The following PLCXD3 variants were observed in gnomAD, a reference collection of about 807,000 sequenced individuals.
PLCXD3 encodes the protein PI-PLC X domain-containing protein 3.
In PLCXD3, 19 loss-of-function variants were observed where a neutral mutation model predicts 25.5. That is an observed-to-expected ratio of 0.75 (90% CI 0.52 to 1.09). The LOEUF (loss-of-function observed/expected upper bound fraction) is 1.09, where lower values mean the gene tolerates loss of function less well. Ranked by LOEUF, PLCXD3 falls within the 50% of genes least tolerant of loss-of-function variation. PLCXD3 has a pLI of 0.00. For missense variants in PLCXD3, 411 were observed against 388.1 expected, an observed-to-expected ratio of 1.06 and a Z score of -0.50; for synonymous variants, 174 against 137.6, an observed-to-expected ratio of 1.26 and a Z score of -1.85.
At chr5:41,350,795 T>C (rs2150480883) in intron 2 of PLCXD3, among the ~76,000 whole-genome samples, 1 of 152,322 alleles carries the variant, frequency 6.6e-6, no homozygotes, top group African/African-American at 2.4e-5. Flanking sequence ...TCTTAAAGTG[T>C]AATAAGTATA....
At chr5:41,343,931 G>GCTTC (rs1744228982) in intron 2 of PLCXD3, among the ~76,000 whole-genome samples, 1 of 151,954 alleles carries the variant, frequency 6.6e-6, no homozygotes, top group South Asian at 2.1e-4. Context: ...CACACCTCAG[G>GCTTC]CTTCCATTTC....
rs1343931296 is a variant in PLCXD3, at chr5:41,313,050, G to A, written c.*567C>T. 6.5e-6 allele frequency: 1 copy of A among 152,724 alleles called. No individual in the cohort carries two copies. The highest frequency in any genetic ancestry group is 1.5e-5 in the Non-Finnish European group (1 of 68,198). The allele number at this position is 152,724 out of a possible 1,614,324, so 9.5% of individuals were successfully genotyped here. A position where few individuals can be genotyped will look rare whatever the true frequency, so the allele number is the denominator to read the frequency against. On this transcript the variant is annotated 3_prime_UTR_variant, in exon 3 of 3. Transcript: ENST00000377801. ...GATTATGACCTTCAATATTACTGAT[G>A]CATGGAAACTGATTTGATGCAGATT...
intron 1 of PLCXD3, among the ~76,000 whole-genome samples, chr5:41,493,832 C>T (rs899201611): frequency 7.9e-5 from 12 of 152,224 alleles, no homozygotes; most frequent in African/African-American, 2.4e-4. Flanking sequence ...TTCCAGGTGC[C>T]GTCTGTCACC....
chr5:41,375,751 T>G (rs1423312591), intron 2 of PLCXD3, among the ~76,000 whole-genome samples: 1 of 152,152 alleles, frequency 6.6e-6, no homozygotes, highest in Non-Finnish European at 1.5e-5. Flanking sequence ...GACCTGACTC[T>G]GCCTTCCAAG....
chr5:41,492,072 C>G (rs911168955), intron 1 of PLCXD3, among the ~76,000 whole-genome samples: 8 of 152,202 alleles, frequency 5.3e-5, no homozygotes, highest in African/African-American at 1.7e-4. Context: ...GTGGCTGGTA[C>G]TGGTTGTTCC....
At chr5:41,377,132 C>A (rs367776298) in intron 2 of PLCXD3, among the ~76,000 whole-genome samples, 2 of 152,016 alleles carry the variant, frequency 1.3e-5, no homozygotes, top group Admixed American at 6.6e-5. Flanking sequence ...AATTCTGAAT[C>A]CACCTTTTCT....
intron 1 of PLCXD3, among the ~76,000 whole-genome samples, chr5:41,441,338 C>CA (rs1747380170): frequency 1.3e-5 from 2 of 152,190 alleles, no homozygotes; most frequent in South Asian, 4.1e-4. Context: ...CTAACAGAGA[C>CA]AAGACATCCT....
chr5:41,308,244 A>G lies in PLCXD3; in HGVS notation c.*5373T>C, dbSNP rs546717609. 2 of 152,286 alleles carry G rather than the reference A, an allele frequency of 1.3e-5. No homozygotes were observed. 9.4% of individuals were successfully genotyped at this position (152,286 alleles called of 1,614,324 possible). A position where few individuals can be genotyped will look rare whatever the true frequency, so the allele number is the denominator to read the frequency against. ...AATTGTGAGATTTAGGAAAAAATAT[A>G]TAGGACATACCCAGTTACATTTGAA... On this transcript the variant is annotated 3_prime_UTR_variant, in exon 3 of 3. Coordinates refer to ENST00000377801, the MANE Select transcript of PLCXD3 (RefSeq NM_001005473.3).
At chr5:41,387,941 A>T (rs1745689569) in intron 1 of PLCXD3, among the ~76,000 whole-genome samples, 1 of 152,122 alleles carries the variant, frequency 6.6e-6, no homozygotes, top group Non-Finnish European at 1.5e-5. Context: ...TTGATCATTG[A>T]TTATTAATAT....
chr5:41,345,499 T>C (rs1744272426), intron 2 of PLCXD3, among the ~76,000 whole-genome samples: 1 of 152,202 alleles, frequency 6.6e-6, no homozygotes, highest in Non-Finnish European at 1.5e-5. Context: ...AATATGATGA[T>C]AAGAAAGCCT....
At chr5:41,464,531 T>A (rs938296708) in intron 1 of PLCXD3, among the ~76,000 whole-genome samples, 1 of 152,074 alleles carries the variant, frequency 6.6e-6, no homozygotes, top group Non-Finnish European at 1.5e-5. Flanking sequence ...TGTATACCTA[T>A]GTAACAAACC....
intron 1 of PLCXD3, among the ~76,000 whole-genome samples, chr5:41,414,546 T>C (rs531291246): frequency 1.5e-4 from 23 of 152,340 alleles, no homozygotes; most frequent in Middle Eastern, 3.4e-3. Context: ...GGGTGATTAT[T>C]ATATTTGTGT....
chr5:41,445,976 AG>A (rs1394222523), intron 1 of PLCXD3, among the ~76,000 whole-genome samples: 1 of 151,926 alleles, frequency 6.6e-6, no homozygotes, highest in Non-Finnish European at 1.5e-5. Context: ...TCACGAGGTC[AG>A]GGGATCGAGA....
intron 1 of PLCXD3, among the ~76,000 whole-genome samples, chr5:41,422,506 C>T (rs994755153): frequency 6.6e-6 from 1 of 152,078 alleles, no homozygotes; most frequent in Non-Finnish European, 1.5e-5. Flanking sequence ...TTCATTCTTT[C>T]ATTTGAATTT....
At chr5:41,361,014 A>G (rs770363299) in intron 2 of PLCXD3, among the ~76,000 whole-genome samples, 51 of 151,966 alleles carry the variant, frequency 3.4e-4, no homozygotes, top group Non-Finnish European at 7.1e-4. Flanking sequence ...GTAGAGAAAG[A>G]CTACCAAGTG....
At chr5:41,507,773 G>A (rs976785108) in intron 1 of PLCXD3, among the ~76,000 whole-genome samples, 12 of 152,188 alleles carry the variant, frequency 7.9e-5, no homozygotes, top group African/African-American at 2.7e-4. Context: ...ACCAGGAGTG[G>A]TTTTAAATGA....
At chr5:41,339,164 C>G (rs775897742) in intron 2 of PLCXD3, among the ~76,000 whole-genome samples, 1 of 152,080 alleles carries the variant, frequency 6.6e-6, no homozygotes, top group Non-Finnish European at 1.5e-5. Context: ...TCTTCTCCCT[C>G]TTTAGCTCAG....
rs144895074 is a variant in PLCXD3, at chr5:41,350,357, G to T, written c.812+31469C>A. Among the ~76,000 whole-genome samples, 397 of 152,176 alleles carry T rather than the reference G, an allele frequency of 2.6e-3. 2 individuals are homozygous for T. Among genetic ancestry groups the T allele is most frequent in the African/African-American group, 9.1e-3 (379 of 41,512 alleles). Reference sequence around the variant, plus strand: ...CTACTATACTCTTCATCTTCTCTCTGATTCTTTTTCTTTACTTGCCCTGTT... The same window carrying T: ...CTACTATACTCTTCATCTTCTCTCTTATTCTTTTTCTTTACTTGCCCTGTT... On this transcript the variant is annotated intron_variant, in intron 2 of 2. Transcript: ENST00000377801.
Position 41,346,042 on chromosome 5 carries a change from G to A in PLCXD3, c.813-32272C>T, listed in dbSNP as rs531540318. Among the ~76,000 whole-genome samples the A allele has an allele frequency of 1.4e-3, 216 of 152,178 alleles. 1 individual carries two copies. Among genetic ancestry groups the A allele is most frequent in the South Asian group, 4.4e-3 (21 of 4,818 alleles). ...CTACAGGCACCCACCACCACGCCTGGCTAATTTTTTGTATTTTTAGCAGAG... is the reference window on the plus strand; with the variant it reads ...CTACAGGCACCCACCACCACGCCTGACTAATTTTTTGTATTTTTAGCAGAG... On this transcript the variant is annotated intron_variant, in intron 2 of 2. Coordinates refer to ENST00000377801, the MANE Select transcript of PLCXD3 (RefSeq NM_001005473.3).
Sources: allele counts gnomAD v4.1 joint callset (sites outside exome capture counted in the v4.1 genomes callset), GRCh38; gene constraint gnomAD v4.1.1; transcripts MANE v1.5; gene names NCBI Gene and HGNC (gene_info 2026-07-23, HGNC 2026-07-21).